Variants in TMTC1 observed in about 807,000 individuals in gnomAD.
The protein encoded by TMTC1 is protein O-mannosyl-transferase TMTC1.
A neutral mutation model predicts 104.8 loss-of-function variants in TMTC1; 73 were observed. That is an observed-to-expected ratio of 0.70 (90% CI 0.58 to 0.85). TMTC1 has a LOEUF of 0.85. Among genes scored for constraint, TMTC1 ranks in the 40% least tolerant of loss-of-function variants. The pLI is 0.00. For missense variants in TMTC1, 1,035 were observed against 1,096.1 expected (o/e 0.94, Z 0.79); for synonymous variants, 434 against 428.7 (o/e 1.01, Z -0.15).
chr12:29,774,515 T>A (rs1338914277), intron 1 of TMTC1, among the ~76,000 whole-genome samples: 1 of 152,162 alleles, frequency 6.6e-6, no homozygotes, highest in Admixed American at 6.5e-5. Context: ...CAGTGTTGGG[T>A]TCTCCAACAC....
At chr12:29,547,431 T>G (rs1944971174) in intron 10 of TMTC1, among the ~76,000 whole-genome samples, 1 of 152,184 alleles carries the variant, frequency 6.6e-6, no homozygotes, top group Admixed American at 6.5e-5. Flanking sequence ...ACAAAAATAG[T>G]TTAATCATTA....
At chr12:29,544,720 G>C (rs1166473417) in intron 10 of TMTC1, among the ~76,000 whole-genome samples, 2 of 152,184 alleles carry the variant, frequency 1.3e-5, no homozygotes, top group Non-Finnish European at 2.9e-5. Context: ...CAAGATTAAG[G>C]GAAAGTGTAA....
intron 7 of TMTC1, among the ~76,000 whole-genome samples, chr12:29,599,946 G>GTA (rs1185226522): frequency 6.9e-6 from 1 of 145,322 alleles, no homozygotes; most frequent in Non-Finnish European, 1.5e-5. Flanking sequence ...ATATGTGTGT[G>GTA]TATATATATG....
At chr12:29,724,108 G>A (rs188292237) in intron 5 of TMTC1, among the ~76,000 whole-genome samples, 15 of 152,174 alleles carry the variant, frequency 9.9e-5, no homozygotes, top group Non-Finnish European at 1.6e-4. Context: ...AAGGCGCTTC[G>A]CAGGAAAAAA....
chr12:29,618,542 T>C (rs907377574), intron 6 of TMTC1, among the ~76,000 whole-genome samples: 6 of 151,636 alleles, frequency 4.0e-5, no homozygotes, highest in Non-Finnish European at 8.8e-5. Context: ...CATGTAAAAA[T>C]AAGGAATTTT....
chr12:29,708,601 C>T (rs957974625), intron 5 of TMTC1, among the ~76,000 whole-genome samples: 1 of 152,178 alleles, frequency 6.6e-6, no homozygotes, highest in East Asian at 1.9e-4. Flanking sequence ...CCACAATGCA[C>T]ATTTCCAAAC....
intron 8 of TMTC1, among the ~76,000 whole-genome samples, chr12:29,578,326 C>A (rs1361969187): frequency 2.0e-5 from 3 of 152,060 alleles, no homozygotes; most frequent in East Asian, 3.9e-4. Flanking sequence ...TCACAATGAA[C>A]AGTTTGTGAA....
intron 1 of TMTC1, among the ~76,000 whole-genome samples, chr12:29,772,399 C>T (rs1943614860): frequency 6.6e-6 from 1 of 152,036 alleles, no homozygotes; most frequent in Non-Finnish European, 1.5e-5. Context: ...TGAAATATTT[C>T]TTGAGCCTGC....
At chr12:29,766,097 T>C (rs914181127) in intron 2 of TMTC1, among the ~76,000 whole-genome samples, 1 of 152,242 alleles carries the variant, frequency 6.6e-6, no homozygotes, top group African/African-American at 2.4e-5. Flanking sequence ...CTATTACTTA[T>C]GCCTCATACT....
rs115853420 is a variant in TMTC1, at chr12:29,751,688, G to C, written c.916C>G (p.Arg306Gly). ...PKSSGFPVSP[R>G]AVWSMMRFLT... is the part of the protein sequence containing the mutation. ...TACCTCATCATGGACCACACAGCTC[G>C]TGGGGACACTGGGAATCCACTGCTC... The change falls in exon 5 of 18, where the codon CGA (arginine) becomes GGA (glycine). Residue 306 changes from arginine (R) to glycine (G), a missense_variant. Coordinates refer to ENST00000539277, the MANE Select transcript of TMTC1 (RefSeq NM_001193451.2). 2.8e-4 allele frequency: 452 copies of C among 1,614,010 alleles called. No individual in the cohort carries two copies. Among genetic ancestry groups the C allele is most frequent in the Non-Finnish European group, 3.7e-4 (435 of 1,180,038 alleles).
intron 12 of TMTC1, 117 bp downstream of exon 12, chr12:29,520,501 G>T: frequency 1.2e-6 from 1 of 828,660 alleles, no homozygotes; most frequent in Non-Finnish European, 2.0e-6. Context: ...TGTCAATAGT[G>T]TGAGCTTCCT....
chr12:29,709,556 A>G (rs971989414), intron 5 of TMTC1, among the ~76,000 whole-genome samples: 1 of 152,198 alleles, frequency 6.6e-6, no homozygotes, highest in African/African-American at 2.4e-5. Flanking sequence ...TTCAGATAAA[A>G]ATTTTGAAAA....
intron 8 of TMTC1, among the ~76,000 whole-genome samples, chr12:29,573,751 T>C (rs912308028): frequency 6.6e-6 from 1 of 152,028 alleles, no homozygotes; most frequent in African/African-American, 2.4e-5. Flanking sequence ...CTGGAAGAAA[T>C]TCAGAGTCGC....
intron 1 of TMTC1, among the ~76,000 whole-genome samples, chr12:29,774,725 C>T: frequency 6.6e-6 from 1 of 152,208 alleles, no homozygotes; most frequent in East Asian, 1.9e-4. Context: ...TCCTCTAAGG[C>T]AAAAATCCCT....
chr12:29,722,920 C>CAAAAAAAA (rs60730102), intron 5 of TMTC1, among the ~76,000 whole-genome samples: 7 of 104,442 alleles, frequency 6.7e-5, no homozygotes, highest in Admixed American at 2.1e-4. Context: ...GACTCTGTCT[C>CAAAAAAAA]AAAAAAAAAA....
At chr12:29,573,402 A>G (rs1184539494) in intron 8 of TMTC1, among the ~76,000 whole-genome samples, 1 of 152,212 alleles carries the variant, frequency 6.6e-6, no homozygotes, top group African/African-American at 2.4e-5. Flanking sequence ...TAAATGGTAC[A>G]GTTGTTTATC....
chr12:29,643,463 A>ATATATATATATCACATATATATG (rs1347179081), intron 5 of TMTC1, among the ~76,000 whole-genome samples: 1 of 54,940 alleles, frequency 1.8e-5, no homozygotes, highest in Non-Finnish European at 3.6e-5. Context: ...TATATGATGG[A>ATATATATATATCACATATATATG]ATATATATAT....
At chr12:29,518,960 C>A (rs1944070571) in intron 12 of TMTC1, among the ~76,000 whole-genome samples, 1 of 152,144 alleles carries the variant, frequency 6.6e-6, no homozygotes, top group South Asian at 2.1e-4. Flanking sequence ...ATATAACTGG[C>A]TCTCATTATA....
chr12:29,576,756 T>C (rs1420094014), intron 8 of TMTC1, among the ~76,000 whole-genome samples: 1 of 152,124 alleles, frequency 6.6e-6, no homozygotes, highest in Non-Finnish European at 1.5e-5. Context: ...ATTTTAAGTC[T>C]GCAAAGAGAG....
Sources: allele counts gnomAD v4.1 joint callset (sites outside exome capture counted in the v4.1 genomes callset), GRCh38; gene constraint gnomAD v4.1.1; transcripts MANE v1.5; gene names NCBI Gene and HGNC (gene_info 2026-07-23, HGNC 2026-07-21).